The following MALRD1 variants were observed in gnomAD, a reference collection of about 807,000 sequenced individuals.
The protein encoded by MALRD1 is MAM and LDL receptor class A domain containing 1.
MALRD1 carries 247 observed loss-of-function variants against 242.1 expected under a neutral mutation model. The observed-to-expected ratio is 1.02, with a 90% CI of 0.92 to 1.13. The LOEUF is 1.13. MALRD1 is among the 50% of genes most tolerant of loss of function. The probability of loss-of-function intolerance (pLI) is 0.00; values close to 1 mark genes in which losing one functional copy is unlikely to be tolerated. For missense variants in MALRD1, 2,989 were observed against 2,533.1 expected (o/e 1.18, Z -3.86); for synonymous variants, 995 against 866.6 (o/e 1.15, Z -2.60).
At chr10:19,530,433 T>C (rs1048902886) in intron 31 of MALRD1, among the ~76,000 whole-genome samples, 2 of 10,660 alleles carry the variant, frequency 1.9e-4, no homozygotes, top group African/African-American at 2.6e-4. Context: ...ATATATAATA[T>C]ATATAATATA....
At chr10:19,170,292 A>G (rs1287523238) in intron 13 of MALRD1, among the ~76,000 whole-genome samples, 1 of 152,054 alleles carries the variant, frequency 6.6e-6, no homozygotes, top group Non-Finnish European at 1.5e-5. Context: ...TTCTTTTAAT[A>G]TTTCTTTTCC....
intron 8 of MALRD1, among the ~76,000 whole-genome samples, chr10:19,129,649 C>A (rs374825300): frequency 6.6e-6 from 1 of 151,430 alleles, no homozygotes; most frequent in Non-Finnish European, 1.5e-5. Context: ...ATTAACATCC[C>A]TATTGATTAG....
At chr10:19,329,019 G>A (rs1427632292) in intron 23 of MALRD1, among the ~76,000 whole-genome samples, 1 of 152,164 alleles carries the variant, frequency 6.6e-6, no homozygotes, top group African/African-American at 2.4e-5. Flanking sequence ...CGTGTTTGAA[G>A]TAATATTAAG....
chr10:19,244,839 A>G (rs1250664763), intron 18 of MALRD1, among the ~76,000 whole-genome samples: 2 of 152,190 alleles, frequency 1.3e-5, no homozygotes, highest in African/African-American at 4.8e-5. Context: ...TCTCTTTATC[A>G]TATGAAACAT....
chr10:19,480,929 A>G (rs1411867916), intron 29 of MALRD1, among the ~76,000 whole-genome samples: 1 of 152,200 alleles, frequency 6.6e-6, no homozygotes, highest in Non-Finnish European at 1.5e-5. Flanking sequence ...CTAAAATTAT[A>G]TGAAGAATTC....
chr10:19,675,190 A>G (rs1564532993), intron 36 of MALRD1, among the ~76,000 whole-genome samples: 2 of 152,216 alleles, frequency 1.3e-5, no homozygotes, highest in African/African-American at 2.4e-5. Context: ...GAAAATTTCA[A>G]TAAAAACCAC....
intron 26 of MALRD1, among the ~76,000 whole-genome samples, chr10:19,377,961 T>G (rs1194846549): frequency 6.6e-6 from 1 of 152,132 alleles, no homozygotes; most frequent in African/African-American, 2.4e-5. Context: ...ATTCACAATT[T>G]TCACCATTTT....
intron 14 of MALRD1, among the ~76,000 whole-genome samples, chr10:19,193,625 A>G (rs1232456215): frequency 2.0e-5 from 3 of 152,182 alleles, no homozygotes; most frequent in Admixed American, 6.6e-5. Flanking sequence ...ATGCAATTGC[A>G]CTTGATTTGG....
At chr10:19,613,937 C>A (rs892806975) in intron 35 of MALRD1, among the ~76,000 whole-genome samples, 6 of 151,990 alleles carry the variant, frequency 3.9e-5, no homozygotes, top group Non-Finnish European at 8.8e-5. Flanking sequence ...TTCTTACTCC[C>A]CAAACGTGAC....
At chr10:19,235,392 GT>G (rs1476236209) in intron 18 of MALRD1, among the ~76,000 whole-genome samples, 2 of 151,024 alleles carry the variant, frequency 1.3e-5, no homozygotes, top group African/African-American at 4.9e-5. Context: ...TTTTTTTCGT[GT>G]ATTTGTTAGC....
chr10:19,304,351 C>T (rs1363110448), intron 21 of MALRD1, among the ~76,000 whole-genome samples: 1 of 151,670 alleles, frequency 6.6e-6, no homozygotes, highest in Admixed American at 6.6e-5. Context: ...CTCTCTCTCT[C>T]TCTGCCTCTC....
chr10:19,329,412 A>ACCCC (rs371714617), intron 23 of MALRD1, among the ~76,000 whole-genome samples: 19 of 89,322 alleles, frequency 2.1e-4, no homozygotes, highest in African/African-American at 9.2e-4. Context: ...TTTATTTGGG[A>ACCCC]CCCCCCCCCA....
At chr10:19,240,522 T>C (rs1393298112) in intron 18 of MALRD1, among the ~76,000 whole-genome samples, 2 of 152,032 alleles carry the variant, frequency 1.3e-5, no homozygotes, top group African/African-American at 4.8e-5. Context: ...ACAGAAACAA[T>C]CTGACCTCCT....
intron 29 of MALRD1, among the ~76,000 whole-genome samples, chr10:19,472,681 G>T (rs1383724385): frequency 2.0e-5 from 3 of 151,554 alleles, no homozygotes; most frequent in Admixed American, 6.6e-5. Context: ...TATCAAAGTT[G>T]TTAGAATACA....
chr10:19,135,114 T>C (rs1833283046), intron 9 of MALRD1, among the ~76,000 whole-genome samples: 1 of 152,204 alleles, frequency 6.6e-6, no homozygotes, highest in African/African-American at 2.4e-5. Flanking sequence ...ACTGAAAATC[T>C]GACCTTAAGT....
At chr10:19,534,892 GTTT>G (rs869080796) in intron 32 of MALRD1, among the ~76,000 whole-genome samples, 5 of 133,356 alleles carry the variant, frequency 3.7e-5, no homozygotes, top group East Asian at 2.2e-4. Flanking sequence ...TGTTGTTGTT[GTTT>G]TTGTTTTTTG....
At chr10:19,615,516 CAAAAAA>C (rs530920512) in intron 35 of MALRD1, among the ~76,000 whole-genome samples, 1 of 37,244 alleles carries the variant, frequency 2.7e-5, no homozygotes. Context: ...GACCCTGCCT[CAAAAAA>C]AAAAAAAAAA....
chr10:19,610,017 A>T lies in MALRD1; in HGVS notation c.6070+2115A>T, dbSNP rs1838823381. The stretch of plus-strand genomic sequence containing the variant: ...CAGAAGTATTTAAAAAACAAACCAA[A>T]ACAAACACAAACACTTCTCAGGCAA... On this transcript the variant is annotated intron_variant, in intron 35 of 39. Transcript: ENST00000454679. 2.0e-5 allele frequency among the ~76,000 whole-genome samples: 3 copies of T among 152,084 alleles called. 1 individual carries two copies. In the South Asian group the frequency reaches 6.2e-4, roughly 32 times the overall value.
At chr10:19,177,567 T>C (rs1210664702) in intron 14 of MALRD1, among the ~76,000 whole-genome samples, 9 of 152,038 alleles carry the variant, frequency 5.9e-5, no homozygotes, top group Admixed American at 3.9e-4. Flanking sequence ...AACAAATTTG[T>C]TTATCAAAGT....
Sources: allele counts gnomAD v4.1 joint callset (sites outside exome capture counted in the v4.1 genomes callset), GRCh38; gene constraint gnomAD v4.1.1; transcripts MANE v1.5; gene names NCBI Gene and HGNC (gene_info 2026-07-23, HGNC 2026-07-21).